CRISPLD1: variants seen among roughly 807,000 people sequenced by gnomAD.
CRISPLD1 encodes the protein cysteine rich secretory protein LCCL domain containing 1.
CRISPLD1 carries 60 observed loss-of-function variants against 77.5 expected under a neutral mutation model. The observed-to-expected ratio is 0.77, with a 90% CI of 0.63 to 0.96. The LOEUF (loss-of-function observed/expected upper bound fraction) is 0.96. CRISPLD1 is among the 40% of genes least tolerant of loss of function. CRISPLD1 has a pLI of 0.00. For synonymous variants in CRISPLD1, 195 were observed against 200.1 expected (o/e 0.97, Z 0.22); for missense variants, 623 against 615.8 (o/e 1.01, Z -0.12).
At chr8:74,988,894 G>C (rs534775608) in intron 2 of CRISPLD1, among the ~76,000 whole-genome samples, 1 of 152,184 alleles carries the variant, frequency 6.6e-6, no homozygotes, top group Non-Finnish European at 1.5e-5. Flanking sequence ...GCTCATTGGC[G>C]TTGAGAATAA....
At chr8:74,995,894 G>A (rs1291866036) in intron 2 of CRISPLD1, among the ~76,000 whole-genome samples, 1 of 151,836 alleles carries the variant, frequency 6.6e-6, no homozygotes, top group East Asian at 1.9e-4. Flanking sequence ...TATTGTTCAG[G>A]CTGTGCTCTC....
At chr8:74,991,208 C>G (rs541738648) in intron 2 of CRISPLD1, among the ~76,000 whole-genome samples, 35 of 152,210 alleles carry the variant, frequency 2.3e-4, no homozygotes, top group African/African-American at 8.2e-4. Flanking sequence ...GTTGGGCAGG[C>G]TGGTCCCAAA....
At chr8:75,011,245 A>T (rs1044383973) in intron 2 of CRISPLD1, among the ~76,000 whole-genome samples, 1 of 150,780 alleles carries the variant, frequency 6.6e-6, no homozygotes. Flanking sequence ...ATTTAGCATT[A>T]GGTATATCTC....
At chr8:75,016,011 T>G (rs1467010894) in intron 6 of CRISPLD1, among the ~76,000 whole-genome samples, 1 of 152,132 alleles carries the variant, frequency 6.6e-6, no homozygotes, top group Non-Finnish European at 1.5e-5. Flanking sequence ...AACATTAAAT[T>G]CAAAGTTTGA....
chr8:74,987,373 C>T (rs1040503956), intron 2 of CRISPLD1, among the ~76,000 whole-genome samples: 2 of 152,110 alleles, frequency 1.3e-5, no homozygotes, highest in Admixed American at 6.5e-5. Flanking sequence ...TGACATTGGG[C>T]GCTTGCTAAT....
At chr8:75,024,485 C>A (rs534261415) in intron 12 of CRISPLD1, among the ~76,000 whole-genome samples, 1 of 152,002 alleles carries the variant, frequency 6.6e-6, no homozygotes, top group Non-Finnish European at 1.5e-5. Flanking sequence ...GGACCATGCC[C>A]GGCTAATTTT....
chr8:75,022,692 G>A lies in CRISPLD1; in HGVS notation c.1244+2613G>A, dbSNP rs146928335. Among the ~76,000 whole-genome samples the A allele has an allele frequency of 5.9e-4, 90 of 151,774 alleles. 1 individual carries two copies. The highest frequency in any genetic ancestry group is 2.1e-3 in the African/African-American group (85 of 41,420). On this transcript the variant is annotated intron_variant, in intron 12 of 14. Transcript: ENST00000262207. ...ATAACTTTTAGGGAACCATGTAGTT[G>A]GTATATTTCTTTTAGAATTTCATAT...
intron 2 of CRISPLD1, among the ~76,000 whole-genome samples, chr8:74,987,131 T>C (rs886180814): frequency 2.0e-5 from 3 of 152,236 alleles, no homozygotes; most frequent in African/African-American, 7.2e-5. Context: ...GTATTTACCT[T>C]AGTTTTGGTG....
intron 2 of CRISPLD1, among the ~76,000 whole-genome samples, chr8:74,998,679 C>T (rs191008802): frequency 0.011 from 1,098 of 98,980 alleles, 16 homozygotes; most frequent in African/African-American, 0.059. Context: ...CAGAGAGACT[C>T]CATCTCAAAA....
At chr8:74,990,236 AC>A (rs941215789) in intron 2 of CRISPLD1, among the ~76,000 whole-genome samples, 36 of 152,176 alleles carry the variant, frequency 2.4e-4, no homozygotes, top group African/African-American at 7.7e-4. Flanking sequence ...TCATCACTAC[AC>A]AATACATCAA....
At chr8:75,007,387 T>G (rs1040878767) in intron 2 of CRISPLD1, among the ~76,000 whole-genome samples, 1 of 152,140 alleles carries the variant, frequency 6.6e-6, no homozygotes, top group Non-Finnish European at 1.5e-5. Flanking sequence ...CTTGAATGAT[T>G]TCCAGCTGTC....
At chr8:75,016,997 G>T in intron 8 of CRISPLD1, 50 bp from the exon 9 acceptor site, 2 of 1,559,392 alleles carry the variant, frequency 1.3e-6, no homozygotes, top group Non-Finnish European at 1.8e-6. Context: ...TTTTTATTTT[G>T]TACTGACATT....
intron 7 of CRISPLD1, 63 bp from the exon 8 acceptor site, chr8:75,016,818 T>C: frequency 3.9e-6 from 6 of 1,523,384 alleles, no homozygotes; most frequent in Non-Finnish European, 5.4e-6. Flanking sequence ...CATTAGGCTA[T>C]ATATAATGAA....
At chr8:74,999,885 T>G (rs1812709756) in intron 2 of CRISPLD1, among the ~76,000 whole-genome samples, 1 of 149,690 alleles carries the variant, frequency 6.7e-6, no homozygotes, top group Non-Finnish European at 1.5e-5. Context: ...GGAAGAGAAA[T>G]GGGAAATGAA....
intron 2 of CRISPLD1, among the ~76,000 whole-genome samples, chr8:75,010,166 GATA>G (rs2128784498): frequency 6.6e-6 from 1 of 152,102 alleles, no homozygotes; most frequent in African/African-American, 2.4e-5. Context: ...CACTAATGAT[GATA>G]ATAAACTTAT....
intron 2 of CRISPLD1, among the ~76,000 whole-genome samples, chr8:74,995,054 C>T (rs1401928217): frequency 1.3e-5 from 2 of 152,062 alleles, no homozygotes; most frequent in African/African-American, 2.4e-5. Context: ...AATTAGGACC[C>T]ACCACCATTT....
intron 2 of CRISPLD1, 104 bp downstream of exon 2, chr8:74,986,349 A>G (rs1300401495): frequency 8.2e-7 from 1 of 1,216,638 alleles, no homozygotes; most frequent in African/African-American, 1.5e-5. Context: ...TATGAAGTTG[A>G]AAAAAGATTT....
intron 6 of CRISPLD1, 33 bp from the exon 7 acceptor site, chr8:75,016,532 G>A: frequency 6.3e-7 from 1 of 1,580,130 alleles, no homozygotes; most frequent in East Asian, 2.2e-5. Flanking sequence ...GTAAAATAGG[G>A]TTAATATTTC....
chr8:74,991,045 G>T (rs914275593), intron 2 of CRISPLD1, among the ~76,000 whole-genome samples: 2 of 151,600 alleles, frequency 1.3e-5, no homozygotes, highest in Admixed American at 1.3e-4. Context: ...CAGGCTGAAG[G>T]GCAGTGGCAC....
Sources: gnomAD v4.1 joint callset for allele counts (sites outside exome capture counted in the v4.1 genomes callset) on GRCh38, gnomAD v4.1.1 for gene constraint, MANE v1.5 for transcripts, NCBI Gene and HGNC (gene_info 2026-07-23, HGNC 2026-07-21) for gene names.